The following DCC variants were observed in gnomAD, a reference collection of about 807,000 sequenced individuals.
DCC encodes the protein netrin receptor DCC.
In DCC, 58 loss-of-function variants were observed where a neutral mutation model predicts 172.5. That is an observed-to-expected ratio of 0.34 (90% CI 0.27 to 0.42). The LOEUF is 0.42. Ranked by LOEUF, DCC falls within the 10% of genes least tolerant of loss-of-function variation. DCC has a pLI of 1.00. For missense variants in DCC, 1,740 were observed against 1,791.0 expected (o/e 0.97, Z 0.51); for synonymous variants, 709 against 644.5 (o/e 1.10, Z -1.52).
chr18:53,521,960 T>C (rs2046403574), intron 27 of DCC, among the ~76,000 whole-genome samples: 1 of 152,204 alleles, frequency 6.6e-6, no homozygotes, highest in African/African-American at 2.4e-5. Context: ...GAGGAACAGC[T>C]TTTGTGACTA....
At chr18:52,921,394 A>AAATAT (rs386387715) in intron 3 of DCC, among the ~76,000 whole-genome samples, 1 of 151,748 alleles carries the variant, frequency 6.6e-6, no homozygotes, top group East Asian at 1.9e-4. Context: ...TTTTCTGATA[A>AAATAT]AATAGTTTGA....
intron 2 of DCC, among the ~76,000 whole-genome samples, chr18:52,902,653 A>G (rs1307250822): frequency 1.3e-5 from 2 of 152,216 alleles, no homozygotes; most frequent in African/African-American, 4.8e-5. Context: ...TTGAAACTAT[A>G]GTACTAAGTT....
intron 12 of DCC, among the ~76,000 whole-genome samples, chr18:53,217,397 C>A (rs773292611): frequency 4.6e-5 from 7 of 151,874 alleles, no homozygotes; most frequent in Non-Finnish European, 7.4e-5. Flanking sequence ...ACAAACACTT[C>A]TACTTCTATC....
intron 12 of DCC, among the ~76,000 whole-genome samples, chr18:53,274,820 C>T (rs2056787884): frequency 6.6e-6 from 1 of 152,076 alleles, no homozygotes; most frequent in African/African-American, 2.4e-5. Flanking sequence ...CACCTAGGAT[C>T]CTTTAGAAAT....
chr18:52,818,605 A>G (rs11877637), intron 2 of DCC, among the ~76,000 whole-genome samples: 12,117 of 141,324 alleles, frequency 0.086, 1,568 homozygotes, highest in African/African-American at 0.28. Context: ...AAATTGAATG[A>G]AATAAGGAAC....
chr18:52,593,486 G>A (rs567960905), intron 1 of DCC, among the ~76,000 whole-genome samples: 18 of 152,260 alleles, frequency 1.2e-4, no homozygotes, highest in African/African-American at 4.3e-4. Context: ...TCTATTGTCT[G>A]TGACCTGCTC....
At chr18:52,682,592 G>A (rs1460200) in intron 1 of DCC, among the ~76,000 whole-genome samples, 85,900 of 151,874 alleles carry the variant, frequency 0.57, 24,896 homozygotes, top group African/African-American at 0.68. Context: ...TTCACTAAAC[G>A]CCAAGCATCT....
chr18:53,441,186 G>T (rs1014006199), intron 22 of DCC, among the ~76,000 whole-genome samples: 1 of 152,116 alleles, frequency 6.6e-6, no homozygotes, highest in African/African-American at 2.4e-5. Flanking sequence ...AAGGTACATG[G>T]GTCCTCTTGA....
At chr18:53,455,946 GAATA>G (rs1233634674) in intron 23 of DCC, among the ~76,000 whole-genome samples, 2 of 152,196 alleles carry the variant, frequency 1.3e-5, no homozygotes, top group African/African-American at 4.8e-5. Flanking sequence ...AATATTGATT[GAATA>G]AATAAATAAG....
chr18:52,811,991 G>T (rs1367369101), intron 2 of DCC, among the ~76,000 whole-genome samples: 1 of 152,150 alleles, frequency 6.6e-6, no homozygotes, highest in Admixed American at 6.5e-5. Context: ...CAACTTTTAA[G>T]AATTTGCTGT....
At chr18:53,372,137 GTT>G in intron 15 of DCC, among the ~76,000 whole-genome samples, 1 of 151,976 alleles carries the variant, frequency 6.6e-6, no homozygotes, top group Non-Finnish European at 1.5e-5. Context: ...AATATAAATT[GTT>G]CTACCATAAA....
chr18:53,140,682 C>CA (rs1348213444), intron 7 of DCC, among the ~76,000 whole-genome samples: 2 of 151,442 alleles, frequency 1.3e-5, no homozygotes, highest in East Asian at 1.9e-4. Context: ...AATCAAGAGA[C>CA]AAAAAATTGA....
intron 12 of DCC, among the ~76,000 whole-genome samples, chr18:53,263,306 C>G (rs1160531815): frequency 6.6e-6 from 1 of 152,052 alleles, no homozygotes; most frequent in Non-Finnish European, 1.5e-5. Flanking sequence ...TGCCTGCCAC[C>G]ATGTCTGGCT....
At chr18:52,900,862 G>T (rs946850887) in intron 2 of DCC, among the ~76,000 whole-genome samples, 1 of 152,130 alleles carries the variant, frequency 6.6e-6, no homozygotes, top group Admixed American at 6.5e-5. Flanking sequence ...GGTTTTCCTA[G>T]GCTAACAATG....
At chr18:52,944,272 T>C (rs190977485) in intron 5 of DCC, among the ~76,000 whole-genome samples, 1 of 152,308 alleles carries the variant, frequency 6.6e-6, no homozygotes, top group African/African-American at 2.4e-5. Context: ...TCTGAGAAGA[T>C]AACTTAGGAT....
At chr18:52,557,783 C>G (rs1362913183) in intron 1 of DCC, among the ~76,000 whole-genome samples, 2 of 152,138 alleles carry the variant, frequency 1.3e-5, no homozygotes, top group Non-Finnish European at 1.5e-5. Context: ...CCTCAGCCCC[C>G]CAAGTAGCTG....
intron 1 of DCC, among the ~76,000 whole-genome samples, chr18:52,415,091 A>AT (rs951275574): frequency 6.6e-6 from 1 of 152,164 alleles, no homozygotes; most frequent in Admixed American, 6.5e-5. Flanking sequence ...AATGGCTGAG[A>AT]TTTTTTCATT....
At position 52,929,817 on chromosome 18, in the gene DCC, AACACACACACACACAC is replaced by A. The variant is rs34457182; in HGVS notation, c.985+4478_985+4493del. ...ATAATCCAAAGACCTGGACTTTGCA[AACACACACACACACAC>A]ACACACACACACACACACACACACA... is the stretch of plus-strand genomic sequence containing the variant. On this transcript the variant is annotated intron_variant, in intron 5 of 28. Transcript: ENST00000442544. Among the ~76,000 whole-genome samples the A allele has an allele frequency of 1.8e-3, 263 of 144,850 alleles. 2 individuals carry two copies. Among genetic ancestry groups the A allele is most frequent in the African/African-American group, 5.4e-3 (211 of 38,992 alleles).
intron 1 of DCC, among the ~76,000 whole-genome samples, chr18:52,472,449 G>T (rs1024601930): frequency 6.6e-6 from 1 of 152,164 alleles, no homozygotes. Flanking sequence ...GTTGGAGTAC[G>T]TTTGTCTTTG....
Sources: gnomAD v4.1 joint callset for allele counts (sites outside exome capture counted in the v4.1 genomes callset) on GRCh38, gnomAD v4.1.1 for gene constraint, MANE v1.5 for transcripts, NCBI Gene and HGNC (gene_info 2026-07-23, HGNC 2026-07-21) for gene names.